The following CHRNB3 variants were observed in gnomAD, a reference collection of about 807,000 sequenced individuals.
The protein encoded by CHRNB3 is neuronal acetylcholine receptor subunit beta-3.
A neutral mutation model predicts 40.6 loss-of-function variants in CHRNB3; 37 were observed. The ratio of observed to expected loss-of-function variants is 0.91; its 90% CI spans 0.70 to 1.20. CHRNB3 has a LOEUF of 1.20. CHRNB3 is among the 50% of genes most tolerant of loss of function. The probability of loss-of-function intolerance (pLI) is 0.00; values close to 1 mark genes in which losing one functional copy is unlikely to be tolerated. For synonymous variants in CHRNB3, 207 were observed against 207.1 expected (o/e 1.00, Z 0.00); for missense variants, 505 against 551.2 (o/e 0.92, Z 0.84).
At chr8:42,733,767 T>G (rs562225154) in intron 5 of CHRNB3, among the ~76,000 whole-genome samples, 148 of 151,244 alleles carry the variant, frequency 9.8e-4, no homozygotes, top group African/African-American at 3.5e-3. Flanking sequence ...TAATTTTTCT[T>G]GAATTTTCAT....
Position 42,708,066 on chromosome 8 carries a change from G to A in CHRNB3, c.53-651G>A, listed in dbSNP as rs115668260. 7.2e-3 allele frequency among the ~76,000 whole-genome samples: 1,099 copies of A among 152,340 alleles called. 13 individuals carry two copies. The highest frequency in any genetic ancestry group is 0.026 in the African/African-American group (1,061 of 41,590). ...ATCTCTGTGAAGAGGGAGCGTTGCA[G>A]ATGGGACCAGAGGTAGGGGTCGGGG... On this transcript the variant is annotated intron_variant, in intron 1 of 5. Coordinates refer to ENST00000289957, the MANE Select transcript of CHRNB3 (RefSeq NM_000749.5).
chr8:42,725,759 C>T lies in CHRNB3; in HGVS notation c.250-4835C>T, dbSNP rs187376944. On this transcript the variant is annotated intron_variant, in intron 3 of 5. Transcript: ENST00000289957. The stretch of plus-strand genomic sequence containing the variant: ...GGGATGGTCTTATTCGTGACCTTGA[C>T]TTGTCCACGTTTCAAAATGAGTTCC... 2.6e-4 allele frequency: 240 copies of T among 922,716 alleles called. 2 individuals are homozygous for T. In the African/African-American group the frequency reaches 3.3e-3, roughly 13 times the overall value. The allele number at this position is 922,716 out of a possible 1,614,324, so 57.2% of individuals were successfully genotyped here.
At chr8:42,697,704 A>G (rs2128903563) in intron 1 of CHRNB3, 106 bp downstream of exon 1, 1 of 845,458 alleles carries the variant, frequency 1.2e-6, no homozygotes, top group Non-Finnish European at 2.0e-6. Context: ...TGTAATGCAC[A>G]AGATACATTT....
At chr8:42,727,922 G>A (rs979587650) in intron 3 of CHRNB3, among the ~76,000 whole-genome samples, 12 of 152,198 alleles carry the variant, frequency 7.9e-5, no homozygotes, top group East Asian at 7.7e-4. Flanking sequence ...GAAAATCTTC[G>A]TGACCCTGTG....
rs920709428 is a variant in CHRNB3, at chr8:42,719,215, G to T, written c.249+8781G>T. On this transcript the variant is annotated intron_variant, in intron 3 of 5. Coordinates refer to ENST00000289957, the MANE Select transcript of CHRNB3 (RefSeq NM_000749.5). Reference sequence around the variant, plus strand: ...CAGCCCCTTAGAGAACGAGATAGAGGTTTGGGCTCTGGCTGCTCAGCTGGG... The same window carrying T: ...CAGCCCCTTAGAGAACGAGATAGAGTTTTGGGCTCTGGCTGCTCAGCTGGG... Among the ~76,000 whole-genome samples, 10 of 152,304 alleles carry T rather than the reference G, an allele frequency of 6.6e-5. No individual in the cohort carries two copies. In the South Asian group the frequency reaches 2.1e-3, roughly 32 times the overall value.
chr8:42,733,802 G>A (rs1816469810), intron 5 of CHRNB3, among the ~76,000 whole-genome samples: 1 of 150,916 alleles, frequency 6.6e-6, no homozygotes, highest in Non-Finnish European at 1.5e-5. Context: ...TGCCATGTTG[G>A]CCAGAATGGT....
At chr8:42,735,242 A>C (rs538542120) in intron 5 of CHRNB3, among the ~76,000 whole-genome samples, 1 of 150,280 alleles carries the variant, frequency 6.7e-6, no homozygotes, top group South Asian at 2.1e-4. Flanking sequence ...AACAAACAAA[A>C]AAACACTAAT....
intron 3 of CHRNB3, among the ~76,000 whole-genome samples, chr8:42,718,306 T>C (rs1816154511): frequency 2.6e-5 from 4 of 152,170 alleles, no homozygotes; most frequent in Non-Finnish European, 5.9e-5. Flanking sequence ...TCCCAGAGAC[T>C]GCAAATCAAG....
Position 42,703,435 on chromosome 8 carries a change from A to AAAAAATATATATATATATAT in CHRNB3, c.53-5281_53-5280insAAAATATATATATATATATA. 2.3e-4 allele frequency among the ~76,000 whole-genome samples: 11 copies of AAAAAATATATATATATATAT among 47,404 alleles called. 2 individuals carry two copies. The highest frequency in any genetic ancestry group is 8.8e-4 in the South Asian group (1 of 1,136). The allele number at this position is 47,404 out of a possible 152,430, so 31.1% of individuals were successfully genotyped here. ...CAAGACTTCGTCTAAAAAAAAAAAA[A>AAAAAATATATATATATATAT]ATATTTATATATATATATATATATA... On this transcript the variant is annotated intron_variant, in intron 1 of 5. Transcript: ENST00000289957.
Position 42,735,217 on chromosome 8 carries a change from C to T in CHRNB3, c.1243-1267C>T, listed in dbSNP as rs146801227. Among the ~76,000 whole-genome samples, 89 of 149,820 alleles carry T rather than the reference C, an allele frequency of 5.9e-4. No homozygotes were observed. The East Asian group carries it at 0.017, about 29-fold the overall frequency. ...CCTGGGCGACAGAGCAAGACTCCGT[C>T]TCAAAAAACAAACAAACAAACAAAA... On this transcript the variant is annotated intron_variant, in intron 5 of 5. Transcript: ENST00000289957.
In CHRNB3 at chr8:42,736,464, C is replaced by T; in HGVS notation, c.1243-20C>T. 1.2e-6 allele frequency: 2 copies of T among 1,613,344 alleles called. No individual in the cohort carries two copies. Among genetic ancestry groups the T allele is most frequent in the Non-Finnish European group, 1.7e-6 (2 of 1,179,766 alleles). On this transcript the variant is annotated intron_variant, in intron 5 of 5. Coordinates refer to ENST00000289957, the MANE Select transcript of CHRNB3 (RefSeq NM_000749.5). Reference sequence around the variant, plus strand: ...GTTGCTCAGTGTCTTGAGTGAAAGGCATCTTTTTCTCTTTTGCAGGTAGTA... The same window carrying T: ...GTTGCTCAGTGTCTTGAGTGAAAGGTATCTTTTTCTCTTTTGCAGGTAGTA...
At chr8:42,706,666 G>A (rs1815927475) in intron 1 of CHRNB3, among the ~76,000 whole-genome samples, 1 of 152,164 alleles carries the variant, frequency 6.6e-6, no homozygotes, top group African/African-American at 2.4e-5. Context: ...AGGTTTCCTG[G>A]CTCTTTACAG....
chr8:42,711,341 T>C (rs750779577), intron 3 of CHRNB3, among the ~76,000 whole-genome samples: 1 of 151,922 alleles, frequency 6.6e-6, no homozygotes, highest in Non-Finnish European at 1.5e-5. Flanking sequence ...TTGGTTTAAT[T>C]GCTTGTGTTT....
chr8:42,709,537 G>C (rs917136418), intron 2 of CHRNB3, among the ~76,000 whole-genome samples: 1 of 152,214 alleles, frequency 6.6e-6, no homozygotes, highest in Non-Finnish European at 1.5e-5. Context: ...ACACTCACCT[G>C]CCTGGCTGGC....
At chr8:42,702,259 G>A (rs1175867683) in intron 1 of CHRNB3, among the ~76,000 whole-genome samples, 1 of 152,006 alleles carries the variant, frequency 6.6e-6, no homozygotes, top group Non-Finnish European at 1.5e-5. Context: ...GGAGTTGTCT[G>A]TCTGGCCCTA....
chr8:42,697,739 A>G, intron 1 of CHRNB3, 141 bp downstream of exon 1: 1 of 599,852 alleles, frequency 1.7e-6, no homozygotes, highest in South Asian at 2.8e-5. Flanking sequence ...AATGTGGCCC[A>G]AATGAGTAAT....
rs1468489029 is a variant in CHRNB3 at position 42,731,092 on chromosome 8, A to AT, written c.359+389_359+390insT. On this transcript the variant is annotated intron_variant, in intron 4 of 5. Transcript: ENST00000289957. ...AATAAATAAATAAATAAATAAATAA[A>AT]AAATAAAAAGTGAAAAAAAGGAAAG... Among the ~76,000 whole-genome samples, 2 of 128,768 alleles carry AT rather than the reference A, an allele frequency of 1.6e-5. 1 individual carries two copies. Among genetic ancestry groups the AT allele is most frequent in the Admixed American group, 1.5e-4 (2 of 13,330 alleles). 84.5% of individuals were successfully genotyped at this position (128,768 alleles called of 152,430 possible).
chr8:42,717,373 C>A (rs1586400294), intron 3 of CHRNB3, among the ~76,000 whole-genome samples: 4 of 11,200 alleles, frequency 3.6e-4, no homozygotes, highest in Admixed American at 3.4e-3. Context: ...GACTCCGTCT[C>A]AAAAAAAAAA....
intron 1 of CHRNB3, among the ~76,000 whole-genome samples, chr8:42,702,618 C>G (rs758624792): frequency 3.9e-5 from 6 of 152,060 alleles, no homozygotes; most frequent in Non-Finnish European, 8.8e-5. Flanking sequence ...CAAAAATTAG[C>G]TGGGCATGGT....
Sources: gnomAD v4.1 joint callset for allele counts (sites outside exome capture counted in the v4.1 genomes callset) on GRCh38, gnomAD v4.1.1 for gene constraint, MANE v1.5 for transcripts, NCBI Gene and HGNC (gene_info 2026-07-23, HGNC 2026-07-21) for gene names.